The following SCAF8 variants were observed in gnomAD, a reference collection of about 807,000 sequenced individuals.
SCAF8 encodes the protein SR-related and CTD-associated factor 8.
A neutral mutation model predicts 140.5 loss-of-function variants in SCAF8; 23 were observed. That is an observed-to-expected ratio of 0.16 (90% confidence interval 0.12 to 0.23). The LOEUF (loss-of-function observed/expected upper bound fraction) is 0.23. SCAF8 is among the 10% of genes least tolerant of loss of function. The probability of loss-of-function intolerance (pLI) is 1.00; values close to 1 mark genes in which losing one functional copy is unlikely to be tolerated. For missense variants in SCAF8, 1,397 were observed against 1,555.7 expected (o/e 0.90, Z 1.72); for synonymous variants, 575 against 528.9 (o/e 1.09, Z -1.20).
At position 154,833,042 on chromosome 6, in the gene SCAF8, C is replaced by T. The variant is rs1221181120; in HGVS notation, c.3463C>T (p.Pro1155Ser). 1 of 1,614,052 alleles carries T rather than the reference C, an allele frequency of 6.2e-7. No individual in the cohort carries two copies. Residue 1155 changes from proline to serine, a missense_variant, in exon 20 of 20, where the codon CCC becomes TCC. Physicochemically the swap from Pro to Ser is moderately conservative, Grantham distance 74. Coordinates refer to ENST00000367178, the MANE Select transcript of SCAF8 (RefSeq NM_014892.5). ...CAGAGATTTTGATGACCGCAGAAGA[C>T]CCTGGGAGAGGCAAAGGGATAGGGA... ...VHRDFDDRRR[P>S]WERQRDRDDR...
chr6:154,803,465 T>C, intron 7 of SCAF8, 79 bp from the exon 8 acceptor site: 1 of 926,700 alleles, frequency 1.1e-6, no homozygotes, highest in South Asian at 1.4e-5. Flanking sequence ...GGAATGCCAT[T>C]GACATTTAAA....
chr6:154,735,434 CT>C (rs1171847741), intron 1 of SCAF8, among the ~76,000 whole-genome samples: 2 of 151,270 alleles, frequency 1.3e-5, no homozygotes, highest in African/African-American at 4.9e-5. Context: ...TGATACATAA[CT>C]TTTTTTGGAA....
At chr6:154,759,137 G>GTAGT (rs1779038093) in intron 1 of SCAF8, among the ~76,000 whole-genome samples, 1 of 152,176 alleles carries the variant, frequency 6.6e-6, no homozygotes, top group Non-Finnish European at 1.5e-5. Flanking sequence ...GATTACTCAG[G>GTAGT]TAGTTGCTTT....
intron 2 of SCAF8, among the ~76,000 whole-genome samples, chr6:154,777,359 CTT>C (rs550751192): frequency 4.5e-4 from 69 of 152,186 alleles, no homozygotes; most frequent in African/African-American, 1.5e-3. Flanking sequence ...TTTTATGAAA[CTT>C]AAATCTTCTA....
At chr6:154,746,473 TTCA>T (rs1305541039) in intron 1 of SCAF8, among the ~76,000 whole-genome samples, 2 of 152,322 alleles carry the variant, frequency 1.3e-5, no homozygotes, top group African/African-American at 4.8e-5. Flanking sequence ...AAGCCATGAA[TTCA>T]TCATAGTATC....
chr6:154,781,091 T>C (rs1031290019), intron 3 of SCAF8, among the ~76,000 whole-genome samples: 8 of 152,162 alleles, frequency 5.3e-5, no homozygotes, highest in Non-Finnish European at 1.0e-4. Flanking sequence ...TTTATCTCGT[T>C]GTTTTGCCCC....
intron 5 of SCAF8, 36 bp downstream of exon 5, chr6:154,793,012 T>C (rs1744738447): frequency 6.6e-7 from 1 of 1,524,386 alleles, no homozygotes; most frequent in South Asian, 1.3e-5. Context: ...TGTCTAAATA[T>C]TCTACTCATA....
At chr6:154,770,847 C>T (rs947323376) in intron 1 of SCAF8, among the ~76,000 whole-genome samples, 1 of 152,152 alleles carries the variant, frequency 6.6e-6, no homozygotes, top group African/African-American at 2.4e-5. Flanking sequence ...CAGGTTCAAG[C>T]AATTCTCATG....
At chr6:154,734,488 G>C (rs1054734912) in intron 1 of SCAF8, among the ~76,000 whole-genome samples, 16 of 152,182 alleles carry the variant, frequency 1.1e-4, no homozygotes, top group African/African-American at 3.6e-4. Flanking sequence ...TGGATGGTTG[G>C]TAGGCAGGCA....
chr6:154,777,506 C>T (rs891475433), intron 2 of SCAF8, among the ~76,000 whole-genome samples: 55 of 151,966 alleles, frequency 3.6e-4, no homozygotes, highest in Non-Finnish European at 1.9e-4. Flanking sequence ...GTTCATTTTC[C>T]AGGAGAAGCA....
Position 154,816,002 on chromosome 6 carries a change from A to T in SCAF8, c.1521+186A>T, listed in dbSNP as rs115025757. 4.3e-3 allele frequency among the ~76,000 whole-genome samples: 656 copies of T among 152,102 alleles called. 6 individuals are homozygous for T. Among genetic ancestry groups the T allele is most frequent in the African/African-American group, 0.015 (626 of 41,476 alleles). On this transcript the variant is annotated intron_variant, in intron 13 of 19. Transcript: ENST00000367178. Reference sequence around the variant, plus strand: ...GCTGTTTCTCTCCTTAATTATTTTTATTTTTTAGTGGAATTCTAACAAAAT... The same window carrying T: ...GCTGTTTCTCTCCTTAATTATTTTTTTTTTTTAGTGGAATTCTAACAAAAT...
intron 7 of SCAF8, among the ~76,000 whole-genome samples, chr6:154,802,424 C>G (rs1777797895): frequency 6.6e-6 from 1 of 151,970 alleles, no homozygotes; most frequent in African/African-American, 2.4e-5. Flanking sequence ...GAGTTTGAGA[C>G]CAGCCTGGCA....
At chr6:154,827,921 A>G (rs1778617112) in intron 18 of SCAF8, among the ~76,000 whole-genome samples, 1 of 151,416 alleles carries the variant, frequency 6.6e-6, no homozygotes, top group South Asian at 2.1e-4. Flanking sequence ...GAGGATTCCC[A>G]TAAGCCCCCA....
At chr6:154,806,628 T>C (rs1364242909) in intron 9 of SCAF8, among the ~76,000 whole-genome samples, 1 of 152,168 alleles carries the variant, frequency 6.6e-6, no homozygotes, top group South Asian at 2.1e-4. Flanking sequence ...TTATTTTAGA[T>C]GGAAGAGATA....
chr6:154,818,094 GC>G (rs1778303026), intron 13 of SCAF8, among the ~76,000 whole-genome samples: 1 of 152,026 alleles, frequency 6.6e-6, no homozygotes, highest in Non-Finnish European at 1.5e-5. Context: ...ATAAATTGTT[GC>G]CTTCAAATAT....
At chr6:154,789,354 G>A (rs1223904226) in intron 4 of SCAF8, among the ~76,000 whole-genome samples, 2 of 151,716 alleles carry the variant, frequency 1.3e-5, no homozygotes, top group Admixed American at 6.6e-5. Flanking sequence ...CTTGTGATCC[G>A]CCCACCATGG....
chr6:154,822,957 C>T (rs932076961), intron 16 of SCAF8, among the ~76,000 whole-genome samples: 16 of 152,134 alleles, frequency 1.1e-4, no homozygotes, highest in South Asian at 6.2e-4. Context: ...AAAAAAGTAG[C>T]GTAAGGCTGA....
In SCAF8 at chr6:154,832,964, C is replaced by T. The variant is rs1308872771; in HGVS notation, c.3385C>T (p.Arg1129Ter). The change falls in exon 20 of 20, where the codon CGA becomes TGA. Residue 1129 changes from arginine to a stop codon, truncating the protein, a stop_gained. Transcript: ENST00000367178. LOFTEE classifies it high-confidence loss of function. ...AGGTAGATTTCGGTCTGGAAACTAT[C>T]GATTTGATCCTAGAAGTGGTCCTTG... is the stretch of plus-strand genomic sequence containing the variant. Reference protein sequence around the residue: ...ERGRFRSGNYRFDPRSGPWNR... With the variant: ...ERGRFRSGNY 1 of 1,613,922 alleles carries T rather than the reference C, an allele frequency of 6.2e-7. No homozygotes were observed. The highest frequency in any genetic ancestry group is 1.3e-5 in the African/African-American group (1 of 74,880).
chr6:154,799,135 G>A (rs538087600), intron 6 of SCAF8, among the ~76,000 whole-genome samples: 17 of 150,632 alleles, frequency 1.1e-4, no homozygotes, highest in African/African-American at 3.9e-4. Context: ...CCGCCACCAC[G>A]CCGAGCTAAT....
Sources: gnomAD v4.1 joint callset for allele counts (sites outside exome capture counted in the v4.1 genomes callset) on GRCh38, gnomAD v4.1.1 for gene constraint, MANE v1.5 for transcripts, NCBI Gene and HGNC (gene_info 2026-07-23, HGNC 2026-07-21) for gene names.